KANSL1L: variants seen among roughly 807,000 people sequenced by gnomAD.
KANSL1L encodes KAT8 regulatory NSL complex subunit 1 like.
KANSL1L carries 25 observed loss-of-function variants against 108.6 expected under a neutral mutation model. The observed-to-expected ratio is 0.23, with a 90% CI of 0.17 to 0.32. The LOEUF is 0.32. KANSL1L is among the 10% of genes least tolerant of loss of function. The pLI is 1.00. For missense variants in KANSL1L, 1,137 were observed against 1,125.7 expected (o/e 1.01, Z -0.14); for synonymous variants, 405 against 395.1 (o/e 1.03, Z -0.30).
chr2:210,123,834 T>TAA (rs71043973), intron 3 of KANSL1L, among the ~76,000 whole-genome samples: 3 of 146,026 alleles, frequency 2.1e-5, no homozygotes, highest in African/African-American at 7.5e-5. Flanking sequence ...TTTTTTAAGT[T>TAA]AAAAAAAAAA....
chr2:210,022,969 T>TAGTA lies in KANSL1L; in HGVS notation c.2940_2943dup (p.Asn982TyrfsTer2), dbSNP rs757283307. ...CCCTGTCACCTATTTTTTTTAACAT[T>TAGTA]AGTAAGTCCTAGACCAAAGGTTTTG... On this transcript the variant is annotated frameshift_variant, in exon 15 of 15. Coordinates refer to ENST00000281772, the MANE Select transcript of KANSL1L (RefSeq NM_152519.4). LOFTEE classifies it high-confidence loss of function. 2 of 1,612,870 alleles carry TAGTA rather than the reference T, an allele frequency of 1.2e-6. No homozygotes were observed. Among genetic ancestry groups the TAGTA allele is most frequent in the Middle Eastern group, 1.6e-4 (1 of 6,080 alleles).
At position 210,029,876 on chromosome 2, in the gene KANSL1L, T is replaced by G; in HGVS notation, c.2198A>C (p.Glu733Ala). Residue 733 changes from glutamate (E) to alanine (A), a missense_variant, in exon 10 of 15, where the codon GAA (glutamate) becomes GCA (alanine). Physicochemically the swap from Glu to Ala is moderately radical, Grantham distance 107. Coordinates refer to ENST00000281772, the MANE Select transcript of KANSL1L (RefSeq NM_152519.4). Reference sequence around the variant, plus strand: ...AGTAAAATTGCTATGGGATCCTGATTCTGTGTGTTGAAAATCAGATTCTTC... The same window carrying G: ...AGTAAAATTGCTATGGGATCCTGATGCTGTGTGTTGAAAATCAGATTCTTC... The part of the protein sequence containing the change: ...KLEESDFQHT[E>A]SGSHSNFTAV... 6.2e-7 allele frequency: 1 copy of G among 1,607,048 alleles called. No homozygotes were observed. Among genetic ancestry groups the G allele is most frequent in the Non-Finnish European group, 8.5e-7 (1 of 1,175,394 alleles).
intron 5 of KANSL1L, among the ~76,000 whole-genome samples, chr2:210,083,713 C>A (rs977388034): frequency 1.3e-5 from 2 of 151,006 alleles, no homozygotes; most frequent in Admixed American, 6.6e-5. Flanking sequence ...TCTGTAGTCC[C>A]AGCTACTTGG....
chr2:210,098,046 A>C, intron 5 of KANSL1L, 40 bp downstream of exon 5: 1 of 1,531,374 alleles, frequency 6.5e-7, no homozygotes, highest in Non-Finnish European at 8.8e-7. Flanking sequence ...AAAATAGGCA[A>C]AGTTGAATTT....
chr2:210,159,200 C>G (rs1022238436), intron 1 of KANSL1L, among the ~76,000 whole-genome samples: 2 of 152,220 alleles, frequency 1.3e-5, no homozygotes, highest in African/African-American at 4.8e-5. Flanking sequence ...AATTACTGCA[C>G]TCCAGAAACA....
At chr2:210,129,653 G>A (rs895968797) in intron 2 of KANSL1L, among the ~76,000 whole-genome samples, 10 of 152,134 alleles carry the variant, frequency 6.6e-5, no homozygotes, top group Non-Finnish European at 8.8e-5. Flanking sequence ...AATAGGCATC[G>A]TTATTAGCTA....
intron 3 of KANSL1L, among the ~76,000 whole-genome samples, chr2:210,122,892 G>A (rs533680135): frequency 6.6e-6 from 1 of 152,130 alleles, no homozygotes; most frequent in African/African-American, 2.4e-5. Flanking sequence ...CATATGAATA[G>A]ACCTTTCTCA....
chr2:210,061,641 A>T (rs1306166667), intron 6 of KANSL1L, among the ~76,000 whole-genome samples: 2 of 152,244 alleles, frequency 1.3e-5, no homozygotes, highest in Non-Finnish European at 2.9e-5. Flanking sequence ...AGGTAGATAA[A>T]GCAACATTAT....
chr2:210,099,908 T>C (rs1033599095), intron 4 of KANSL1L, among the ~76,000 whole-genome samples: 6 of 152,198 alleles, frequency 3.9e-5, no homozygotes, highest in Non-Finnish European at 8.8e-5. Flanking sequence ...ATTTGAACTC[T>C]GAAAACAAAA....
At chr2:210,110,652 T>C (rs2094894863) in intron 3 of KANSL1L, among the ~76,000 whole-genome samples, 1 of 151,472 alleles carries the variant, frequency 6.6e-6, no homozygotes, top group South Asian at 2.1e-4. Flanking sequence ...AATTAAAGAG[T>C]GGTTAAGAGA....
intron 2 of KANSL1L, among the ~76,000 whole-genome samples, chr2:210,142,234 T>G (rs2095235713): frequency 1.3e-5 from 2 of 152,098 alleles, no homozygotes; most frequent in African/African-American, 4.8e-5. Flanking sequence ...TCATGTTAGA[T>G]TCTATGTGTC....
intron 6 of KANSL1L, among the ~76,000 whole-genome samples, chr2:210,062,270 C>T (rs537500773): frequency 5.9e-5 from 9 of 152,314 alleles, no homozygotes; most frequent in South Asian, 2.1e-4. Context: ...CCATGTGAGA[C>T]GCACCTTTCA....
In KANSL1L at chr2:210,156,866, C is replaced by T. The variant is rs549756318; in HGVS notation, c.-29-2255G>A. Among the ~76,000 whole-genome samples the T allele has an allele frequency of 5.9e-4, 90 of 151,956 alleles. 1 individual carries two copies. The highest frequency in any genetic ancestry group is 2.1e-3 in the African/African-American group (88 of 41,464). On this transcript the variant is annotated intron_variant, in intron 1 of 14. Transcript: ENST00000281772. ...ATAGATGTTTGCCTTTTTATGTATA[C>T]ACTTTATTGTATAATGTCTCAAAAT...
chr2:210,057,169 A>G (rs528658887), intron 6 of KANSL1L, among the ~76,000 whole-genome samples: 2 of 152,300 alleles, frequency 1.3e-5, no homozygotes, highest in African/African-American at 4.8e-5. Context: ...TGTGAGGCCA[A>G]GGTGGGCAGA....
intron 5 of KANSL1L, among the ~76,000 whole-genome samples, chr2:210,090,000 T>C (rs1220256032): frequency 1.3e-5 from 2 of 152,198 alleles, no homozygotes; most frequent in Admixed American, 1.3e-4. Flanking sequence ...CTCAAATCCT[T>C]ATCCTAATTC....
At chr2:210,092,920 GGTTTTTT>G (rs1376759842) in intron 5 of KANSL1L, among the ~76,000 whole-genome samples, 1 of 151,776 alleles carries the variant, frequency 6.6e-6, no homozygotes. Context: ...CTCAAAGATA[GGTTTTTT>G]GTTTTTTTTT....
intron 3 of KANSL1L, among the ~76,000 whole-genome samples, chr2:210,117,845 C>G (rs953142131): frequency 2.0e-5 from 3 of 152,086 alleles, no homozygotes; most frequent in African/African-American, 7.2e-5. Context: ...ATTCATACAG[C>G]CTAGCAAGAC....
chr2:210,136,017 C>A (rs1242941927), intron 2 of KANSL1L, among the ~76,000 whole-genome samples: 8 of 152,052 alleles, frequency 5.3e-5, no homozygotes, highest in Non-Finnish European at 1.2e-4. Flanking sequence ...ACAGTTGTGA[C>A]CTCTAGAAAT....
chr2:210,118,360 C>T (rs576480924), intron 3 of KANSL1L, among the ~76,000 whole-genome samples: 8 of 148,248 alleles, frequency 5.4e-5, no homozygotes, highest in Admixed American at 4.7e-4. Flanking sequence ...CCCAGCTACT[C>T]GGGAGGCTGA....
Sources: allele counts gnomAD v4.1 joint callset (sites outside exome capture counted in the v4.1 genomes callset), GRCh38; gene constraint gnomAD v4.1.1; transcripts MANE v1.5; gene names NCBI Gene and HGNC (gene_info 2026-07-23, HGNC 2026-07-21).